Variants in PIK3C2G observed in about 807,000 individuals in gnomAD.
PIK3C2G encodes the protein phosphatidylinositol 3-kinase C2 domain-containing subunit gamma.
In PIK3C2G, 168 loss-of-function variants were observed where a neutral mutation model predicts 181.1. That is an observed-to-expected ratio of 0.93 (90% CI 0.82 to 1.05). The LOEUF (loss-of-function observed/expected upper bound fraction) is 1.05. Ranked by LOEUF, PIK3C2G falls within the 50% of genes least tolerant of loss-of-function variation. PIK3C2G has a pLI of 0.00. For missense variants in PIK3C2G, 1,869 were observed against 1,732.8 expected, an observed-to-expected ratio of 1.08 and a Z score of -1.40; for synonymous variants, 573 against 592.2, an observed-to-expected ratio of 0.97 and a Z score of 0.47.
chr12:18,402,378 G>A (rs1285857374), intron 16 of PIK3C2G, among the ~76,000 whole-genome samples: 2 of 152,016 alleles, frequency 1.3e-5, no homozygotes, highest in Non-Finnish European at 2.9e-5. Context: ...GGGCAAGTTG[G>A]GAGAAAATGG....
intron 14 of PIK3C2G, among the ~76,000 whole-genome samples, chr12:18,386,645 AT>A (rs1162544839): frequency 6.6e-6 from 1 of 152,134 alleles, no homozygotes; most frequent in Non-Finnish European, 1.5e-5. Flanking sequence ...TTACAGATAC[AT>A]TTTTATACAA....
chr12:18,477,538 A>G (rs1939126877), intron 18 of PIK3C2G, among the ~76,000 whole-genome samples: 1 of 152,174 alleles, frequency 6.6e-6, no homozygotes. Context: ...TTAGCCAGGT[A>G]GGTTGTGGAG....
chr12:18,252,475 G>T (rs73339296), intron 1 of PIK3C2G, among the ~76,000 whole-genome samples: 2 of 152,112 alleles, frequency 1.3e-5, no homozygotes, highest in African/African-American at 2.4e-5. Flanking sequence ...TTAACAAAAC[G>T]CATATAAATG....
At chr12:18,440,638 G>T (rs888938256) in intron 18 of PIK3C2G, among the ~76,000 whole-genome samples, 1 of 152,064 alleles carries the variant, frequency 6.6e-6, no homozygotes, top group African/African-American at 2.4e-5. Flanking sequence ...TTGGGGTGTT[G>T]GGAGGACAAC....
intron 18 of PIK3C2G, among the ~76,000 whole-genome samples, chr12:18,444,229 G>C (rs367835392): frequency 1.3e-5 from 2 of 152,104 alleles, no homozygotes; most frequent in Non-Finnish European, 1.5e-5. Context: ...GGCCACCCCT[G>C]TCTTTACCTC....
intron 20 of PIK3C2G, 89 bp from the exon 21 acceptor site, chr12:18,495,973 G>C: frequency 3.3e-6 from 2 of 611,434 alleles, no homozygotes; most frequent in Non-Finnish European, 5.6e-6. Flanking sequence ...GTCTGCAAGG[G>C]GCTATGATTT....
At chr12:18,567,936 C>T (rs1232161137) in intron 29 of PIK3C2G, among the ~76,000 whole-genome samples, 2 of 152,072 alleles carry the variant, frequency 1.3e-5, no homozygotes, top group African/African-American at 2.4e-5. Flanking sequence ...CTAGAGGCTG[C>T]TTGTGTTCCT....
At chr12:18,724,064 G>A in the PIK3C2G span, among the ~76,000 whole-genome samples, 8 of 152,080 alleles carry the variant, frequency 5.3e-5, no homozygotes, top group Non-Finnish European at 1.0e-4. Context: ...GATTCGAAAG[G>A]TCATATTTGA....
downstream of PIK3C2G, among the ~76,000 whole-genome samples, chr12:18,650,353 G>GCA (rs1565601644): frequency 1.4e-3 from 153 of 108,878 alleles, no homozygotes; most frequent in Non-Finnish European, 2.4e-3. Flanking sequence ...ATATATGTGT[G>GCA]TGTGTGTGTG....
chr12:18,369,035 T>G (rs938908485), intron 12 of PIK3C2G, among the ~76,000 whole-genome samples: 6 of 152,162 alleles, frequency 3.9e-5, no homozygotes, highest in Non-Finnish European at 5.9e-5. Context: ...GACAATAGGC[T>G]TTTGTCATCT....
At chr12:18,635,578 T>G (rs2136758250) in intron 31 of PIK3C2G, among the ~76,000 whole-genome samples, 1 of 152,306 alleles carries the variant, frequency 6.6e-6, no homozygotes, top group African/African-American at 2.4e-5. Flanking sequence ...CTGCATAAGA[T>G]GGCAGGCCTT....
chr12:18,417,295 C>A (rs1450821355), intron 16 of PIK3C2G, among the ~76,000 whole-genome samples: 1 of 152,038 alleles, frequency 6.6e-6, no homozygotes, highest in Non-Finnish European at 1.5e-5. Context: ...GAAGATGCTG[C>A]GAACATTGTT....
In PIK3C2G at chr12:18,375,329, T is replaced by C. The variant is rs190775569; in HGVS notation, c.1880+4018T>C. Among the ~76,000 whole-genome samples the C allele has an allele frequency of 2.8e-3, 421 of 152,326 alleles. 1 individual carries two copies. Among genetic ancestry groups the C allele is most frequent in the African/African-American group, 9.4e-3 (389 of 41,586 alleles). On this transcript the variant is annotated intron_variant, in intron 13 of 32. Transcript: ENST00000538779. Reference sequence around the variant, plus strand: ...TGTTATGCCTTAGCAAAGAATTTGGTTGCATTGTGTTCATGCCTTAAGAAT... The same window carrying C: ...TGTTATGCCTTAGCAAAGAATTTGGCTGCATTGTGTTCATGCCTTAAGAAT...
At chr12:18,510,816 C>T (rs1356210112) in intron 24 of PIK3C2G, among the ~76,000 whole-genome samples, 1 of 152,102 alleles carries the variant, frequency 6.6e-6, no homozygotes, top group Non-Finnish European at 1.5e-5. Flanking sequence ...ACACAGCCAC[C>T]ACCTTGCTTA....
rs182111337 is a variant in PIK3C2G at position 18,270,436 on chromosome 12, T to C, written c.-79+8859T>C. Among the ~76,000 whole-genome samples the C allele has an allele frequency of 6.6e-4, 100 of 152,276 alleles. 1 individual carries two copies. Among genetic ancestry groups the C allele is most frequent in the African/African-American group, 2.3e-3 (96 of 41,560 alleles). The stretch of plus-strand genomic sequence containing the variant: ...ACTAAATGGTGCTGAAATTCTCCTT[T>C]AGTTTTGTAGAGTTATGCTGAACTT... On this transcript the variant is annotated intron_variant, in intron 1 of 32. Coordinates refer to ENST00000538779, the MANE Select transcript of PIK3C2G (RefSeq NM_001288772.2).
intron 20 of PIK3C2G, chr12:18,493,747 A>G (rs149866541): frequency 6.6e-6 from 1 of 152,370 alleles, no homozygotes; most frequent in African/African-American, 2.4e-5. Flanking sequence ...AGTCAACTAT[A>G]CTGGGGAGAA....
chr12:18,608,523 C>A (rs556025098), intron 30 of PIK3C2G, among the ~76,000 whole-genome samples: 85 of 128,372 alleles, frequency 6.6e-4, no homozygotes, highest in Admixed American at 2.1e-3. Flanking sequence ...CACATGGACA[C>A]AGGAAGGGGA....
At chr12:18,417,360 G>A (rs1435293600) in intron 16 of PIK3C2G, among the ~76,000 whole-genome samples, 1 of 152,186 alleles carries the variant, frequency 6.6e-6, no homozygotes, top group Non-Finnish European at 1.5e-5. Flanking sequence ...GAAAGCAGTG[G>A]CAGGGCTTGA....
chr12:18,642,820 G>GTGTT (rs1565592786), intron 32 of PIK3C2G, among the ~76,000 whole-genome samples: 1 of 148,504 alleles, frequency 6.7e-6, no homozygotes, highest in African/African-American at 2.5e-5. Context: ...GTGTGTGTGT[G>GTGTT]TGTATAAAAT....
Sources: allele counts gnomAD v4.1 joint callset (sites outside exome capture counted in the v4.1 genomes callset), GRCh38; gene constraint gnomAD v4.1.1; transcripts MANE v1.5; gene names NCBI Gene and HGNC (gene_info 2026-07-23, HGNC 2026-07-21).